EPHB1: variants seen among roughly 807,000 people sequenced by gnomAD.
EPHB1 encodes the protein EPH receptor B1, also known as ephrin type-B receptor 1.
In EPHB1, 30 loss-of-function variants were observed where a neutral mutation model predicts 94.4. The ratio of observed to expected loss-of-function variants is 0.32; its 90% CI spans 0.24 to 0.43. The LOEUF is 0.43. EPHB1 is among the 20% of genes least tolerant of loss of function. The probability of loss-of-function intolerance (pLI) is 1.00; values close to 1 mark genes in which losing one functional copy is unlikely to be tolerated. For synonymous variants in EPHB1, 522 were observed against 489.1 expected (o/e 1.07, Z -0.89); for missense variants, 1,055 against 1,308.3 (o/e 0.81, Z 2.99).
At chr3:135,252,715 C>A (rs1933180109) in intron 15 of EPHB1, among the ~76,000 whole-genome samples, 2 of 141,520 alleles carry the variant, frequency 1.4e-5, no homozygotes, top group Non-Finnish European at 3.1e-5. Flanking sequence ...ATTTATAGTC[C>A]TTTGGGTATA....
At chr3:134,920,183 C>A (rs1029327124) in intron 1 of EPHB1, among the ~76,000 whole-genome samples, 1 of 152,108 alleles carries the variant, frequency 6.6e-6, no homozygotes, top group Non-Finnish European at 1.5e-5. Flanking sequence ...ACTCCCTTCC[C>A]CCAGTCTCCA....
intron 1 of EPHB1, among the ~76,000 whole-genome samples, chr3:134,897,216 G>C (rs1461198538): frequency 6.6e-6 from 1 of 152,160 alleles, no homozygotes; most frequent in African/African-American, 2.4e-5. Context: ...ACCTTATTTT[G>C]GCCTGGGGGG....
chr3:134,867,827 G>A (rs146575200), intron 1 of EPHB1, among the ~76,000 whole-genome samples: 34 of 152,310 alleles, frequency 2.2e-4, no homozygotes, highest in African/African-American at 7.9e-4. Flanking sequence ...AGGTCATTGA[G>A]GGAAATGCTG....
chr3:134,971,203 C>G (rs1183358453), intron 3 of EPHB1, among the ~76,000 whole-genome samples: 1 of 152,160 alleles, frequency 6.6e-6, no homozygotes, highest in African/African-American at 2.4e-5. Flanking sequence ...ATGCAAGCAG[C>G]ACAAAGATAC....
chr3:134,983,489 C>T (rs1030884945), intron 3 of EPHB1, among the ~76,000 whole-genome samples: 4 of 152,206 alleles, frequency 2.6e-5, no homozygotes, highest in Non-Finnish European at 4.4e-5. Flanking sequence ...CAGACTCATC[C>T]GCTGGCCAGA....
At chr3:134,871,259 C>T (rs568144101) in intron 1 of EPHB1, among the ~76,000 whole-genome samples, 2 of 152,314 alleles carry the variant, frequency 1.3e-5, no homozygotes, top group East Asian at 3.9e-4. Flanking sequence ...TATAACATTG[C>T]TGCTTTCTTG....
In EPHB1 at chr3:134,909,787, G is replaced by A. The variant is rs902356844; in HGVS notation, c.59-16029G>A. 2.0e-5 allele frequency among the ~76,000 whole-genome samples: 3 copies of A among 152,214 alleles called. No homozygotes were observed. The East Asian group carries it at 5.8e-4, about 29-fold the overall frequency. ...CTCCACAGGGAGAATTCAAAGCCAA[G>A]TGGACAAATGACTCTTTCCTTGAGC... On this transcript the variant is annotated intron_variant, in intron 1 of 15. Transcript: ENST00000398015.
At chr3:135,078,643 A>G (rs1357234178) in intron 3 of EPHB1, among the ~76,000 whole-genome samples, 1 of 152,244 alleles carries the variant, frequency 6.6e-6, no homozygotes, top group East Asian at 1.9e-4. Flanking sequence ...TCTGTGAAAG[A>G]GAGAGGAAGA....
At chr3:135,118,199 C>T (rs1471313846) in intron 4 of EPHB1, among the ~76,000 whole-genome samples, 1 of 152,204 alleles carries the variant, frequency 6.6e-6, no homozygotes, top group Non-Finnish European at 1.5e-5. Context: ...CCACACCCGT[C>T]TGCACAGGTC....
intron 12 of EPHB1, among the ~76,000 whole-genome samples, chr3:135,226,298 C>T (rs1432865148): frequency 6.6e-6 from 1 of 152,240 alleles, no homozygotes; most frequent in Non-Finnish European, 1.5e-5. Flanking sequence ...CCTGCCCTAC[C>T]GCGGCACTCT....
chr3:134,938,467 A>T (rs1463559755), intron 2 of EPHB1, among the ~76,000 whole-genome samples: 1 of 152,222 alleles, frequency 6.6e-6, no homozygotes, highest in African/African-American at 2.4e-5. Flanking sequence ...CAGCGCTCAC[A>T]GGGCCTTCCG....
intron 12 of EPHB1, among the ~76,000 whole-genome samples, chr3:135,221,449 A>G (rs775153696): frequency 1.7e-4 from 26 of 152,200 alleles, no homozygotes; most frequent in Non-Finnish European, 3.2e-4. Context: ...ATTATCTTCA[A>G]TAATAAACAC....
rs1244380346 is a variant in EPHB1, at chr3:135,106,573, G to A, written c.931G>A (p.Asp311Asn). 2 of 1,614,036 alleles carry A rather than the reference G, an allele frequency of 1.2e-6. No individual in the cohort carries two copies. Among genetic ancestry groups the A allele is most frequent in the East Asian group, 2.2e-5 (1 of 44,876 alleles). Reference sequence around the variant, plus strand: ...CTGTCGGACCGGTTATTACCGAGCGGACTTTGACCCTCCAGAAGTGGCATG... The same window carrying A: ...CTGTCGGACCGGTTATTACCGAGCGAACTTTGACCCTCCAGAAGTGGCATG... ...CTCRTGYYRA[D>N]FDPPEVACTS... The change falls in exon 4 of 16, where the codon GAC becomes AAC. Residue 311 changes from aspartate (D) to asparagine (N), a missense_variant. Coordinates refer to ENST00000398015, the MANE Select transcript of EPHB1 (RefSeq NM_004441.5).
At chr3:135,001,904 T>A (rs1247454434) in intron 3 of EPHB1, among the ~76,000 whole-genome samples, 1 of 152,246 alleles carries the variant, frequency 6.6e-6, no homozygotes, top group African/African-American at 2.4e-5. Context: ...TTTTCCATCT[T>A]TTTGTCATCA....
At chr3:134,908,211 G>T (rs2038376164) in intron 1 of EPHB1, among the ~76,000 whole-genome samples, 1 of 152,198 alleles carries the variant, frequency 6.6e-6, no homozygotes, top group Non-Finnish European at 1.5e-5. Context: ...CATGGTGTGG[G>T]GCCTTCTGCG....
intron 3 of EPHB1, among the ~76,000 whole-genome samples, chr3:134,955,848 A>G (rs922019105): frequency 2.0e-5 from 3 of 152,194 alleles, no homozygotes; most frequent in African/African-American, 7.2e-5. Flanking sequence ...AAAATGCCCC[A>G]TCTACCCCAA....
At chr3:135,096,664 A>G (rs1361233541) in intron 3 of EPHB1, among the ~76,000 whole-genome samples, 1 of 152,240 alleles carries the variant, frequency 6.6e-6, no homozygotes, top group Non-Finnish European at 1.5e-5. Flanking sequence ...CCTGGTTTGC[A>G]GATGACCATC....
intron 3 of EPHB1, among the ~76,000 whole-genome samples, chr3:135,053,005 G>A (rs865977198): frequency 0.03 from 2,496 of 84,256 alleles, 72 homozygotes; most frequent in East Asian, 0.093. Flanking sequence ...ATATGTGTGT[G>A]TATATATATG....
intron 12 of EPHB1, among the ~76,000 whole-genome samples, chr3:135,230,173 G>A (rs1410920622): frequency 6.6e-6 from 1 of 152,174 alleles, no homozygotes; most frequent in African/African-American, 2.4e-5. Flanking sequence ...AACAGAAGGG[G>A]AGATAGTGGG....
Sources: allele counts gnomAD v4.1 joint callset (sites outside exome capture counted in the v4.1 genomes callset), GRCh38; gene constraint gnomAD v4.1.1; transcripts MANE v1.5; gene names NCBI Gene and HGNC (gene_info 2026-07-23, HGNC 2026-07-21).